The following PLPPR5 variants were observed in gnomAD, a reference collection of about 807,000 sequenced individuals.
The protein encoded by PLPPR5 is phospholipid phosphatase-related protein type 5.
A neutral mutation model predicts 33.9 loss-of-function variants in PLPPR5; 16 were observed. The observed-to-expected ratio is 0.47, with a 90% confidence interval of 0.32 to 0.72. The LOEUF (loss-of-function observed/expected upper bound fraction) is 0.72. PLPPR5 is among the 30% of genes least tolerant of loss of function. PLPPR5 has a pLI of 0.03. For missense variants in PLPPR5, 301 were observed against 406.7 expected (o/e 0.74, Z 2.23); for synonymous variants, 163 against 150.3 (o/e 1.08, Z -0.62).
At chr1:98,919,110 A>G (rs913620554) in intron 4 of PLPPR5, among the ~76,000 whole-genome samples, 6 of 152,232 alleles carry the variant, frequency 3.9e-5, no homozygotes, top group African/African-American at 1.4e-4. Flanking sequence ...AGGAATAAGG[A>G]AAGGAATCCT....
At chr1:98,997,521 T>C (rs1652674405) in intron 1 of PLPPR5, among the ~76,000 whole-genome samples, 1 of 152,236 alleles carries the variant, frequency 6.6e-6, no homozygotes, top group Admixed American at 6.5e-5. Context: ...GAGATGATTC[T>C]TTCTAATCAT....
At chr1:98,932,598 G>T (rs1436731555) in intron 3 of PLPPR5, among the ~76,000 whole-genome samples, 1 of 152,188 alleles carries the variant, frequency 6.6e-6, no homozygotes, top group Non-Finnish European at 1.5e-5. Flanking sequence ...TAGGTGTGTA[G>T]TAGTTACTAT....
chr1:98,937,767 C>T (rs1438029795), intron 3 of PLPPR5, among the ~76,000 whole-genome samples: 1 of 152,142 alleles, frequency 6.6e-6, no homozygotes, highest in Admixed American at 6.6e-5. Flanking sequence ...ACATATCTGA[C>T]CTACAGAGTC....
intron 1 of PLPPR5, chr1:98,990,950 T>G (rs2100760492): frequency 6.6e-6 from 1 of 152,276 alleles, no homozygotes; most frequent in East Asian, 1.9e-4. Flanking sequence ...CAGGATGTGG[T>G]GAGCAAGAAG....
chr1:99,004,501 C>G lies in PLPPR5; in HGVS notation c.171G>C (p.Pro57=), dbSNP rs780549133. ...CGGGGGGCACGGCGCTGCTGTCCTCCGGGCCCGGGTAGGGTTTGCGGTAGG... is the reference window on the plus strand; with the variant it reads ...CGGGGGGCACGGCGCTGCTGTCCTCGGGGCCCGGGTAGGGTTTGCGGTAGG... ...DSAYRKPYPG[P]EDSSAVPPVL... Residue 57 remains proline (P), a synonymous_variant, in exon 1 of 6, where the codon CCG becomes CCC. Transcript: ENST00000263177. The G allele has an allele frequency of 1.2e-6, 2 of 1,613,142 alleles. No homozygotes were observed. Among genetic ancestry groups the G allele is most frequent in the Non-Finnish European group, 1.7e-6 (2 of 1,179,824 alleles).
intron 5 of PLPPR5, among the ~76,000 whole-genome samples, chr1:98,905,694 A>G (rs1648869909): frequency 1.3e-5 from 2 of 152,126 alleles, no homozygotes; most frequent in African/African-American, 4.8e-5. Flanking sequence ...AGTTAAATCT[A>G]ATTAAGTTTT....
intron 3 of PLPPR5, among the ~76,000 whole-genome samples, chr1:98,931,444 T>C (rs955031907): frequency 6.6e-6 from 1 of 152,150 alleles, no homozygotes; most frequent in Non-Finnish European, 1.5e-5. Flanking sequence ...AACTTATCGA[T>C]GGACTTAAGG....
chr1:98,896,096 T>C (rs1490654031), intron 5 of PLPPR5, among the ~76,000 whole-genome samples: 1 of 151,982 alleles, frequency 6.6e-6, no homozygotes, highest in East Asian at 1.9e-4. Flanking sequence ...AGCGCCAAGA[T>C]AATTACTTGA....
At chr1:98,932,793 T>A (rs1305613984) in intron 3 of PLPPR5, among the ~76,000 whole-genome samples, 1 of 152,064 alleles carries the variant, frequency 6.6e-6, no homozygotes, top group Non-Finnish European at 1.5e-5. Context: ...AGGATCTGAG[T>A]TCCAGTCTTG....
intron 5 of PLPPR5, among the ~76,000 whole-genome samples, chr1:98,910,894 T>TG (rs1284172612): frequency 6.6e-6 from 1 of 151,786 alleles, no homozygotes; most frequent in Non-Finnish European, 1.5e-5. Context: ...GAGTGTTTTT[T>TG]TTTTTTTTTT....
intron 5 of PLPPR5, among the ~76,000 whole-genome samples, chr1:98,910,912 G>A (rs1014397132): frequency 6.7e-6 from 1 of 148,464 alleles, no homozygotes; most frequent in African/African-American, 2.5e-5. Context: ...TTTTCTCATC[G>A]GTGTTAGAAA....
chr1:98,965,460 G>C (rs1220628584), intron 1 of PLPPR5, among the ~76,000 whole-genome samples: 1 of 152,212 alleles, frequency 6.6e-6, no homozygotes, highest in Non-Finnish European at 1.5e-5. Flanking sequence ...TGTCTTTGAG[G>C]ACAGGTCTGG....
At chr1:98,947,658 A>G (rs1650606880) in intron 3 of PLPPR5, among the ~76,000 whole-genome samples, 1 of 152,114 alleles carries the variant, frequency 6.6e-6, no homozygotes, top group African/African-American at 2.4e-5. Flanking sequence ...AGACAGGGTT[A>G]ATAATGAAAG....
intron 3 of PLPPR5, among the ~76,000 whole-genome samples, chr1:98,948,481 C>T (rs1461357961): frequency 6.6e-6 from 1 of 152,178 alleles, no homozygotes; most frequent in East Asian, 1.9e-4. Context: ...AAATTCTCCT[C>T]ATTACAGTGT....
intron 1 of PLPPR5, among the ~76,000 whole-genome samples, chr1:98,980,343 C>T (rs779345309): frequency 7.2e-5 from 11 of 152,092 alleles, no homozygotes; most frequent in South Asian, 4.2e-4. Flanking sequence ...CTCTCATAAG[C>T]GAAAGAAGTC....
chr1:98,981,126 C>T (rs898446859), intron 1 of PLPPR5, among the ~76,000 whole-genome samples: 1 of 151,958 alleles, frequency 6.6e-6, no homozygotes. Context: ...CTTTAGTTTA[C>T]TAAACTAAAA....
intron 1 of PLPPR5, among the ~76,000 whole-genome samples, chr1:98,964,114 C>T (rs371651923): frequency 3.3e-4 from 50 of 152,302 alleles, no homozygotes; most frequent in African/African-American, 1.1e-3. Context: ...AACTGGTTTG[C>T]TTTCCCCGCT....
chr1:98,977,882 A>T (rs1651917133), intron 1 of PLPPR5, among the ~76,000 whole-genome samples: 1 of 151,948 alleles, frequency 6.6e-6, no homozygotes, highest in Non-Finnish European at 1.5e-5. Flanking sequence ...TCAGTCTTAC[A>T]AACCAGTAAC....
chr1:98,956,304 A>G (rs982628661), intron 2 of PLPPR5, among the ~76,000 whole-genome samples: 11 of 152,166 alleles, frequency 7.2e-5, no homozygotes. Context: ...ATCTTGCTAT[A>G]TTAAAGAGAA....
Sources: allele counts gnomAD v4.1 joint callset (sites outside exome capture counted in the v4.1 genomes callset), GRCh38; gene constraint gnomAD v4.1.1; transcripts MANE v1.5; gene names NCBI Gene and HGNC (gene_info 2026-07-23, HGNC 2026-07-21).